Variants in CECR2 observed in about 807,000 individuals in gnomAD.
CECR2 encodes the protein chromatin remodeling regulator CECR2.
A neutral mutation model predicts 154.5 loss-of-function variants in CECR2; 30 were observed. That is an observed-to-expected ratio of 0.19 (90% confidence interval 0.15 to 0.26). CECR2 has a LOEUF of 0.26. Among genes scored for constraint, CECR2 ranks in the 10% least tolerant of loss-of-function variants. The pLI, the probability that CECR2 is intolerant of heterozygous loss-of-function variation, is 1.00. For synonymous variants in CECR2, 725 were observed against 683.7 expected (o/e 1.06, Z -0.94); for missense variants, 1,743 against 1,829.3 (o/e 0.95, Z 0.86).
chr22:17,396,334 C>T (rs1456788890), intron 1 of CECR2, among the ~76,000 whole-genome samples: 3 of 151,966 alleles, frequency 2.0e-5, no homozygotes, highest in East Asian at 3.9e-4. Flanking sequence ...CACCTGAGTT[C>T]AGGAGTTTGA....
At chr22:17,388,045 C>G (rs1192044632) in intron 1 of CECR2, among the ~76,000 whole-genome samples, 1 of 151,972 alleles carries the variant, frequency 6.6e-6, no homozygotes. Context: ...ACCTCTGCCT[C>G]CCAGGTTCAA....
rs1351661471 is a variant in CECR2 at position 17,548,793 on chromosome 22, A to T, written c.3506A>T (p.His1169Leu). The change falls in exon 17 of 19, where the codon CAT (histidine) becomes CTT (leucine). Residue 1169 changes from histidine to leucine, a missense_variant. By Grantham distance (99) the His-to-Leu change is moderately conservative. This residue lies in a region of CECR2 where 1,250 missense variants were observed against 1,192.1 expected (regional missense o/e 1.05). Transcript: ENST00000262608. ...PPRGFQSNHP[H>L]SGGFPRYRPP... is the part of the protein sequence containing the mutation. ...AGGGGCTTTCAGTCTAACCACCCAC[A>T]TTCTGGAGGCTTTCCCCGGTATCGC... is the stretch of plus-strand genomic sequence containing the variant. 3 of 1,613,736 alleles carry T rather than the reference A, an allele frequency of 1.9e-6. No homozygotes were observed.
At chr22:17,411,831 T>C (rs2054072263) in intron 1 of CECR2, among the ~76,000 whole-genome samples, 1 of 152,176 alleles carries the variant, frequency 6.6e-6, no homozygotes, top group Non-Finnish European at 1.5e-5. Flanking sequence ...ACATGTAAAA[T>C]GTATCATATG....
intron 7 of CECR2, among the ~76,000 whole-genome samples, chr22:17,510,472 A>C (rs1345991835): frequency 6.6e-6 from 1 of 152,160 alleles, no homozygotes; most frequent in Non-Finnish European, 1.5e-5. Context: ...CCTATGAAAA[A>C]AAAAAAGAGC....
chr22:17,500,830 G>A, intron 5 of CECR2, 95 bp downstream of exon 5: 1 of 884,398 alleles, frequency 1.1e-6, no homozygotes, highest in Non-Finnish European at 1.7e-6. Flanking sequence ...GCCATGGGAA[G>A]CACATTATTA....
At chr22:17,397,206 A>C (rs1385841122) in intron 1 of CECR2, among the ~76,000 whole-genome samples, 2 of 151,488 alleles carry the variant, frequency 1.3e-5, no homozygotes, top group Non-Finnish European at 2.9e-5. Flanking sequence ...GCGTGATCTC[A>C]GCTCACTGCA....
At chr22:17,384,955 C>CT (rs1162525918) in intron 1 of CECR2, among the ~76,000 whole-genome samples, 7 of 152,234 alleles carry the variant, frequency 4.6e-5, no homozygotes, top group African/African-American at 1.7e-4. Flanking sequence ...TGTATCCACA[C>CT]TTGAGGCCTT....
intron 8 of CECR2, among the ~76,000 whole-genome samples, chr22:17,521,263 G>A (rs924586442): frequency 3.3e-5 from 5 of 152,100 alleles, no homozygotes; most frequent in African/African-American, 9.7e-5. Context: ...CTGTTCGGCC[G>A]GGCGCAGTGG....
intron 1 of CECR2, among the ~76,000 whole-genome samples, chr22:17,398,686 A>G (rs1286003614): frequency 1.3e-5 from 2 of 152,190 alleles, no homozygotes; most frequent in Non-Finnish European, 2.9e-5. Flanking sequence ...TTGTGGAGTT[A>G]ACGTGAGAAT....
intron 1 of CECR2, among the ~76,000 whole-genome samples, chr22:17,392,399 A>G (rs2063335315): frequency 6.6e-6 from 1 of 152,134 alleles, no homozygotes; most frequent in African/African-American, 2.4e-5. Flanking sequence ...GAGGCAGGAG[A>G]ATCGCTTGAA....
chr22:17,421,962 G>A (rs1041131875), intron 1 of CECR2, among the ~76,000 whole-genome samples: 2 of 151,248 alleles, frequency 1.3e-5, no homozygotes, highest in Admixed American at 6.6e-5. Flanking sequence ...CACTACACAA[G>A]GATTCTTTGT....
chr22:17,543,575 T>C (rs1403327271), intron 16 of CECR2, among the ~76,000 whole-genome samples: 1 of 151,804 alleles, frequency 6.6e-6, no homozygotes, highest in African/African-American at 2.4e-5. Flanking sequence ...CTTTTTTTTT[T>C]TTTTGAGACA....
intron 1 of CECR2, among the ~76,000 whole-genome samples, chr22:17,474,217 C>T (rs1369545812): frequency 6.6e-6 from 1 of 152,124 alleles, no homozygotes; most frequent in Non-Finnish European, 1.5e-5. Flanking sequence ...TAGCTTGGAC[C>T]TGCAAATTTT....
chr22:17,364,133 G>A (rs2062989626), intron 1 of CECR2, among the ~76,000 whole-genome samples: 2 of 151,854 alleles, frequency 1.3e-5, no homozygotes, highest in Non-Finnish European at 2.9e-5. Context: ...CACGAGGTCA[G>A]AAGATCTAGA....
intron 1 of CECR2, among the ~76,000 whole-genome samples, chr22:17,378,703 A>G (rs1365826632): frequency 6.6e-6 from 1 of 152,170 alleles, no homozygotes; most frequent in African/African-American, 2.4e-5. Flanking sequence ...GGCGGGGTGA[A>G]ATTGTCCTGC....
chr22:17,552,996 G>A lies in CECR2; in HGVS notation c.*156G>A, dbSNP rs2056732494. On this transcript the variant is annotated 3_prime_UTR_variant, in exon 19 of 19. Transcript: ENST00000262608. ...ATACTTGAGCTGGAGCCAGTCACGG[G>A]CCCTAAAAGGACACTCCTTAGATGA... 4.8e-6 allele frequency: 7 copies of A among 1,452,958 alleles called. No individual in the cohort carries two copies. Among genetic ancestry groups the A allele is most frequent in the African/African-American group, 2.9e-5 (2 of 69,210 alleles). The allele number at this position is 1,452,958 out of a possible 1,614,324, so 90.0% of individuals were successfully genotyped here. A position where few individuals can be genotyped will look rare whatever the true frequency, so the allele number is the denominator to read the frequency against.
intron 8 of CECR2, among the ~76,000 whole-genome samples, chr22:17,523,496 C>T (rs2056194629): frequency 6.6e-6 from 1 of 151,948 alleles, no homozygotes; most frequent in Non-Finnish European, 1.5e-5. Context: ...GTGGCTCACA[C>T]CTATAATCCC....
At chr22:17,487,417 T>G (rs1445135546) in intron 2 of CECR2, among the ~76,000 whole-genome samples, 1 of 152,188 alleles carries the variant, frequency 6.6e-6, no homozygotes, top group Non-Finnish European at 1.5e-5. Flanking sequence ...TATTTTTCAT[T>G]GGTTGGGCGC....
chr22:17,472,790 T>G (rs574147219), intron 1 of CECR2, among the ~76,000 whole-genome samples: 2 of 152,332 alleles, frequency 1.3e-5, no homozygotes, highest in East Asian at 3.9e-4. Context: ...AGAAAAGTTG[T>G]GTTAAATGGG....
Sources: allele counts gnomAD v4.1 joint callset (sites outside exome capture counted in the v4.1 genomes callset), GRCh38; gene constraint gnomAD v4.1.1; regional missense constraint gnomAD v4.1.1; transcripts MANE v1.5; gene names NCBI Gene and HGNC (gene_info 2026-07-23, HGNC 2026-07-21).